The following THBS3 variants were observed in gnomAD, a reference collection of about 807,000 sequenced individuals.
THBS3 encodes thrombospondin 3.
A neutral mutation model predicts 118.3 loss-of-function variants in THBS3; 78 were observed. That is an observed-to-expected ratio of 0.66 (90% CI 0.55 to 0.80). The LOEUF (loss-of-function observed/expected upper bound fraction) is 0.80, where lower values mean the gene tolerates loss of function less well. THBS3 is among the 30% of genes least tolerant of loss of function. THBS3 has a pLI of 0.00. For synonymous variants in THBS3, 427 were observed against 475.3 expected, an observed-to-expected ratio of 0.90 and a Z score of 1.32; for missense variants, 1,057 against 1,247.4, an observed-to-expected ratio of 0.85 and a Z score of 2.30.
In THBS3 at chr1:155,207,793, C is replaced by CT; in HGVS notation, c.79+4dup. On this transcript the variant is annotated splice_donor_region_variant and intron_variant, in intron 1 of 22. Transcript: ENST00000368378. ...AGCGGTCTAAGAGGATGGAGACAGG[C>CT]TTACCCTGCAGATCCTGACTGGCAG... 6.2e-7 allele frequency: 1 copy of CT among 1,613,998 alleles called. No individual in the cohort carries two copies. The highest frequency in any genetic ancestry group is 8.5e-7 in the Non-Finnish European group (1 of 1,179,978).
intron 16 of THBS3, among the ~76,000 whole-genome samples, chr1:155,199,252 C>G (rs1347415222): frequency 2.7e-5 from 4 of 150,392 alleles, no homozygotes; most frequent in African/African-American, 9.8e-5. Flanking sequence ...CTACTAAAAA[C>G]ACAAAAAATT....
intron 4 of THBS3, among the ~76,000 whole-genome samples, chr1:155,203,841 A>AT (rs397960325): frequency 0.017 from 2,434 of 141,718 alleles, 45 homozygotes; most frequent in African/African-American, 0.05. Flanking sequence ...GTATATCCCC[A>AT]TTTTTTTTTT....
rs1266800056 is a variant in THBS3, at chr1:155,195,869, C to G, written c.2843G>C (p.Arg948Pro). The change falls in exon 23 of 23, where the codon CGG becomes CCG. Residue 948 changes from arginine (R) to proline (P), a missense_variant. This residue lies in a region of THBS3 where 307 missense variants were observed against 326.1 expected (regional missense o/e 0.94). Transcript: ENST00000368378. ...CACCCTTCCCTGGAGCAGCTGCCTCCGGAATGGCTCAAAGTCCTCAGGCAC... is the reference window on the plus strand; with the variant it reads ...CACCCTTCCCTGGAGCAGCTGCCTCGGGAATGGCTCAAAGTCCTCAGGCAC... ...DTVPEDFEPF[R>P]RQLLQGRV is the part of the protein sequence containing the mutation. 6.2e-7 allele frequency: 1 copy of G among 1,614,004 alleles called. No homozygotes were observed. The highest frequency in any genetic ancestry group is 8.5e-7 in the Non-Finnish European group (1 of 1,180,000).
At position 155,200,579 on chromosome 1, in the gene THBS3, T is replaced by C; in HGVS notation, c.1580A>G (p.Gln527Arg). 6.2e-7 allele frequency: 1 copy of C among 1,614,142 alleles called. No individual in the cohort carries two copies. The highest frequency in any genetic ancestry group is 8.5e-7 in the Non-Finnish European group (1 of 1,180,028). ...DNCRLFPNKD[Q>R]QNSDTDSFGD... is the part of the protein sequence containing the mutation. ...AAATGAATCTGTATCTGAGTTCTGC[T>C]GGTCTTTGTTGGGGAACAGCCGGCA... Residue 527 changes from glutamine (Q) to arginine (R), a missense_variant, in exon 14 of 23, where the codon CAG becomes CGG. By Grantham distance (43) the Gln-to-Arg change is conservative. Transcript: ENST00000368378.
chr1:155,200,272 A>G (rs2147952486), intron 14 of THBS3, 159 bp from the exon 15 acceptor site: 1 of 987,856 alleles, frequency 1.0e-6, no homozygotes, highest in Non-Finnish European at 1.5e-6. Context: ...TCTGCCTAAC[A>G]CTACGCCCTA....
Position 155,201,479 on chromosome 1 carries a change from G to A in THBS3, c.1267C>T (p.His423Tyr). Residue 423 changes from histidine (H) to tyrosine (Y), a missense_variant, in exon 11 of 23, where the codon CAC becomes TAC. This residue lies in a region of THBS3 where 544 missense variants were observed against 715.6 expected (regional missense o/e 0.76). Coordinates refer to ENST00000368378, the MANE Select transcript of THBS3 (RefSeq NM_007112.5). ...TGAGCATGGATGTGGCAGGGGCTGT[G>A]GGCTGGGCTGTGGCAGGTCCGGGCT... ...LPARTCHSPA[H>Y]SPCHIHAHCL... 6.2e-7 allele frequency: 1 copy of A among 1,613,948 alleles called. No individual in the cohort carries two copies. Among genetic ancestry groups the A allele is most frequent in the South Asian group, 1.1e-5 (1 of 91,062 alleles).
At chr1:155,203,860 C>T (rs1271647079) in intron 4 of THBS3, among the ~76,000 whole-genome samples, 2 of 149,210 alleles carry the variant, frequency 1.3e-5, no homozygotes, top group African/African-American at 2.5e-5. Context: ...TTTTTTGAGT[C>T]GGAGTCTTGC....
At chr1:155,198,676 G>A (rs1669108984) in intron 16 of THBS3, 74 bp from the exon 17 acceptor site, 1 of 1,472,072 alleles carries the variant, frequency 6.8e-7, no homozygotes, top group African/African-American at 1.4e-5. Context: ...CTGCCTGGGA[G>A]TCTCTGGAGC....
At chr1:155,207,157 G>A (rs1266023109) in intron 1 of THBS3, among the ~76,000 whole-genome samples, 1 of 152,166 alleles carries the variant, frequency 6.6e-6, no homozygotes, top group African/African-American at 2.4e-5. Context: ...CCCATCCTAG[G>A]GGCGCAGCAC....
intron 4 of THBS3, among the ~76,000 whole-genome samples, chr1:155,203,771 C>T (rs1458778481): frequency 6.6e-6 from 1 of 152,126 alleles, no homozygotes; most frequent in Non-Finnish European, 1.5e-5. Context: ...CCCAAATCCT[C>T]CTGGTTCCTA....
chr1:155,206,067 G>GT lies in THBS3; in HGVS notation c.286+132dup. On this transcript the variant is annotated intron_variant, in intron 2 of 22. Transcript: ENST00000368378. This position sits in a 1 kb window ranked among gnomAD's most constrained non-coding sequence, Gnocchi z 4.2. The stretch of plus-strand genomic sequence containing the variant: ...GCACCCCATACCAGGTGCCCCTGAT[G>GT]TCTGGGCACAGCCTGATGGGACCTT... 9.5e-7 allele frequency: 1 copy of GT among 1,047,682 alleles called. No homozygotes were observed. The highest frequency in any genetic ancestry group is 1.5e-5 in the South Asian group (1 of 65,902). 64.9% of individuals were successfully genotyped at this position (1,047,682 alleles called of 1,614,324 possible).
chr1:155,202,452 G>C lies in THBS3; in HGVS notation c.958-51C>G. On this transcript the variant is annotated intron_variant, in intron 8 of 22. Coordinates refer to ENST00000368378, the MANE Select transcript of THBS3 (RefSeq NM_007112.5). This position sits in a 1 kb window ranked among gnomAD's most constrained non-coding sequence, Gnocchi z 5.5. ...GTCAGGCCGCCCTCTGGGAAACTCA[G>C]GTCCCTGCCTGTGATCCAGGAACCA... 6.3e-7 allele frequency: 1 copy of C among 1,598,418 alleles called. No individual in the cohort carries two copies.
At position 155,199,979 on chromosome 1, in the gene THBS3, T is replaced by C. The variant is rs765248105; in HGVS notation, c.1827+16A>G. ...AGTACCCTCATCCCTCCCCTGTCCT[T>C]ACCATCTCCCTGTACCTGGGTAGGA... is the stretch of plus-strand genomic sequence containing the variant. On this transcript the variant is annotated intron_variant, in intron 15 of 22. Transcript: ENST00000368378. The C allele has an allele frequency of 6.2e-7, 1 of 1,601,316 alleles. No individual in the cohort carries two copies.
At chr1:155,208,751 C>A, upstream of THBS3, 1 of 1,214,376 alleles carries the variant, frequency 8.2e-7, no homozygotes, top group South Asian at 1.6e-5. Context: ...TGTTTTGTTT[C>A]CATGGCGACA....
rs770279938 is a variant in THBS3 at position 155,202,921 on chromosome 1, C to T, written c.848G>A (p.Cys283Tyr). 1 of 1,613,980 alleles carries T rather than the reference C, an allele frequency of 6.2e-7. No individual in the cohort carries two copies. Among genetic ancestry groups the T allele is most frequent in the Non-Finnish European group, 8.5e-7 (1 of 1,180,030 alleles). The change falls in exon 8 of 23, where the codon TGC becomes TAC. Residue 283 changes from cysteine (C) to tyrosine (Y), a missense_variant. Transcript: ENST00000368378. The surrounding 1 kb of genome is among the most constrained non-coding windows in gnomAD (Gnocchi z 5.5). ...EQRSHCSPNP[C>Y]FRGVDCMEVY... ...TTCCATGCAGTCCACACCTCGGAAG[C>T]AGGGATTGGGGCTGCAGTGGGAACG...
rs775977971 is a variant in THBS3 at position 155,202,323 on chromosome 1, G to A, written c.1036C>T (p.Arg346Ter). 8 of 1,613,944 alleles carry A rather than the reference G, an allele frequency of 5.0e-6. No individual in the cohort carries two copies. Among genetic ancestry groups the A allele is most frequent in the African/African-American group, 4.0e-5 (3 of 74,922 alleles). The change falls in exon 9 of 23, where the codon CGA becomes TGA. Residue 346 changes from arginine to a stop codon, truncating the protein, a stop_gained. Transcript: ENST00000368378. LOFTEE classifies it high-confidence loss of function. This position sits in a 1 kb window ranked among gnomAD's most constrained non-coding sequence, Gnocchi z 5.5. ...MPGFHCEACPRGYKGTQVSGV... is the reference protein window; with the variant it reads ...MPGFHCEACP ...GACACCTGTGTGCCCTTGTACCCTCGAGGACAGGCCTCACAGTGGAAGCCG... is the reference window on the plus strand; with the variant it reads ...GACACCTGTGTGCCCTTGTACCCTCAAGGACAGGCCTCACAGTGGAAGCCG...
chr1:155,207,832 AAGG>A lies in THBS3; in HGVS notation c.42_44del (p.Leu15del), dbSNP rs765872931. 2.9e-5 allele frequency: 47 copies of A among 1,613,874 alleles called. No individual in the cohort carries two copies. The highest frequency in any genetic ancestry group is 3.9e-5 in the Non-Finnish European group (46 of 1,180,002). ...CCTGACTGGCAGATGTGAAAAAGCA[AAGG>A]AGGAGAAGAGCCAGGGCCCCCCGAA... On this transcript the variant is annotated inframe_deletion, in exon 1 of 23. Transcript: ENST00000368378.
At chr1:155,199,955 G>T (rs745635074) in intron 15 of THBS3, 40 bp downstream of exon 15, 50 of 1,607,546 alleles carry the variant, frequency 3.1e-5, no homozygotes, top group South Asian at 1.7e-4. Flanking sequence ...TCATCCATCA[G>T]TACCCTCATC....
Position 155,206,134 on chromosome 1 carries a change from A to G in THBS3, c.286+66T>C. On this transcript the variant is annotated intron_variant, in intron 2 of 22. Coordinates refer to ENST00000368378, the MANE Select transcript of THBS3 (RefSeq NM_007112.5). The surrounding 1 kb of genome is among the most constrained non-coding windows in gnomAD (Gnocchi z 4.2). ...CAAGGAGAATGAGGAAGCACTTGGG[A>G]AGTAGGGATGAGGGAGAGTGCTTAA... 6.4e-7 allele frequency: 1 copy of G among 1,567,092 alleles called. No individual in the cohort carries two copies. Among genetic ancestry groups the G allele is most frequent in the Non-Finnish European group, 8.7e-7 (1 of 1,144,376 alleles).
Sources: allele counts gnomAD v4.1 joint callset (sites outside exome capture counted in the v4.1 genomes callset), GRCh38; gene constraint gnomAD v4.1.1; regional missense constraint gnomAD v4.1.1; non-coding constraint Gnocchi (gnomAD v3.1); transcripts MANE v1.5; gene names NCBI Gene and HGNC (gene_info 2026-07-23, HGNC 2026-07-21).